The following LRPPRC variants were observed in gnomAD, a reference collection of about 807,000 sequenced individuals.
LRPPRC encodes the protein leucine rich pentatricopeptide repeat containing.
Under a neutral mutation model 180.3 loss-of-function variants are expected in LRPPRC, and 120 were observed. The observed-to-expected ratio is 0.67, with a 90% CI of 0.57 to 0.77. LRPPRC has a LOEUF of 0.77. Ranked by LOEUF, LRPPRC falls within the 30% of genes least tolerant of loss-of-function variation. LRPPRC has a pLI of 0.00. For synonymous variants in LRPPRC, 723 were observed against 600.0 expected (o/e 1.21, Z -3.00); for missense variants, 2,012 against 1,657.2 (o/e 1.21, Z -3.72).
At chr2:43,893,943 C>A (rs1670590549) in intron 36 of LRPPRC, among the ~76,000 whole-genome samples, 1 of 152,128 alleles carries the variant, frequency 6.6e-6, no homozygotes, top group Admixed American at 6.6e-5. Context: ...GAGAGGTGAT[C>A]ATGATTGAGA....
At chr2:43,916,313 G>C (rs62136831) in intron 29 of LRPPRC, among the ~76,000 whole-genome samples, 11,105 of 152,188 alleles carry the variant, frequency 0.073, 528 homozygotes, top group South Asian at 0.14. Flanking sequence ...TTCTGGAACA[G>C]TATAAGAAGT....
Position 43,889,591 on chromosome 2 carries a change from G to GTCCC in LRPPRC, c.4128+139_4128+142dup, listed in dbSNP as rs1670408070. The GTCCC allele has an allele frequency of 1.1e-5, 8 of 752,904 alleles. No homozygotes were observed. The Middle Eastern group carries it at 7.4e-4, about 70-fold the overall frequency. 46.6% of individuals were successfully genotyped at this position (752,904 alleles called of 1,614,324 possible). A position where few individuals can be genotyped will look rare whatever the true frequency, so the allele number is the denominator to read the frequency against. ...TGCCGCAGCCAAGGCATGCTGCTCA[G>GTCCC]TCCCTCAAGCCATCCCCTGAGGGCT... On this transcript the variant is annotated intron_variant, in intron 37 of 37. Coordinates refer to ENST00000260665, the MANE Select transcript of LRPPRC (RefSeq NM_133259.4).
chr2:43,888,405 TC>T lies in LRPPRC; in HGVS notation c.*194del. 1 of 518,436 alleles carries T rather than the reference TC, an allele frequency of 1.9e-6. No individual in the cohort carries two copies. Among genetic ancestry groups the T allele is most frequent in the South Asian group, 2.1e-5 (1 of 46,984 alleles). The allele number at this position is 518,436 out of a possible 1,614,324, so 32.1% of individuals were successfully genotyped here. On this transcript the variant is annotated 3_prime_UTR_variant, in exon 38 of 38. Coordinates refer to ENST00000260665, the MANE Select transcript of LRPPRC (RefSeq NM_133259.4). ...CATTGAAGAAAACACTATCGATTTTTCCCAGAGAAAAAAACTCCAAAAATGT... is the reference window on the plus strand; with the variant it reads ...CATTGAAGAAAACACTATCGATTTTTCCAGAGAAAAAAACTCCAAAAATGT...
At chr2:43,924,055 T>C (rs1671790686) in intron 27 of LRPPRC, among the ~76,000 whole-genome samples, 1 of 152,206 alleles carries the variant, frequency 6.6e-6, no homozygotes, top group African/African-American at 2.4e-5. Flanking sequence ...AACTGGAATG[T>C]AAAATTTTAA....
chr2:43,957,390 G>C lies in LRPPRC; in HGVS notation c.1644C>G (p.Phe548Leu), dbSNP rs1417042062. Residue 548 changes from phenylalanine to leucine, a missense_variant, in exon 14 of 38, where the codon TTC (phenylalanine) becomes TTG (leucine). Physicochemically the swap from Phe to Leu is conservative, Grantham distance 22. Transcript: ENST00000260665. Reference protein sequence around the residue: ...QSIRSSLLLGFRRSMNINLWS... With the variant: ...QSIRSSLLLGLRRSMNINLWS... Reference sequence around the variant, plus strand: ...ATTTAAGTTGATCATCTTACCTCCTGAAGCCTAGCAGTAGGCTACTTCTTA... The same window carrying C: ...ATTTAAGTTGATCATCTTACCTCCTCAAGCCTAGCAGTAGGCTACTTCTTA... 1 of 1,611,144 alleles carries C rather than the reference G, an allele frequency of 6.2e-7. No individual in the cohort carries two copies. The highest frequency in any genetic ancestry group is 1.3e-5 in the African/African-American group (1 of 74,970).
In LRPPRC at chr2:43,979,897, A is replaced by G. The variant is rs1674227334; in HGVS notation, c.398T>C (p.Leu133Pro). The G allele has an allele frequency of 1.2e-6, 2 of 1,613,864 alleles. No individual in the cohort carries two copies. The highest frequency in any genetic ancestry group is 3.3e-5 in the Admixed American group (2 of 60,018). Reference sequence around the variant, plus strand: ...CTCTTCAAGCTTTAGTTCAGGCAAGAGAGAACCACAACTACGTAGTAGAAG... The same window carrying G: ...CTCTTCAAGCTTTAGTTCAGGCAAGGGAGAACCACAACTACGTAGTAGAAG... ...ALLLLRSCGS[L>P]LPELKLEERT... The change falls in exon 3 of 38, where the codon CTC (leucine) becomes CCC (proline). Residue 133 changes from leucine to proline, a missense_variant. Coordinates refer to ENST00000260665, the MANE Select transcript of LRPPRC (RefSeq NM_133259.4).
At chr2:43,920,114 T>A (rs1572920321) in intron 27 of LRPPRC, among the ~76,000 whole-genome samples, 1 of 148,572 alleles carries the variant, frequency 6.7e-6, no homozygotes, top group South Asian at 2.1e-4. Flanking sequence ...TTAGAGAAAT[T>A]CCCCTGGGTC....
intron 32 of LRPPRC, among the ~76,000 whole-genome samples, chr2:43,900,929 C>T (rs1670859901): frequency 6.6e-6 from 1 of 152,108 alleles, no homozygotes; most frequent in South Asian, 2.1e-4. Context: ...CGGAAATGCA[C>T]ATTTTTAATA....
In LRPPRC at chr2:43,887,869, T is replaced by G. The variant is rs1048975539; in HGVS notation, c.*731A>C. On this transcript the variant is annotated 3_prime_UTR_variant, in exon 38 of 38. Coordinates refer to ENST00000260665, the MANE Select transcript of LRPPRC (RefSeq NM_133259.4). The stretch of plus-strand genomic sequence containing the variant: ...AACAAGCCTAGGGCAGAGCTTGTAC[T>G]GACAAAGTCCTGAAACTACAATGAG... 3.3e-5 allele frequency: 5 copies of G among 152,410 alleles called. No homozygotes were observed. Among genetic ancestry groups the G allele is most frequent in the African/African-American group, 1.2e-4 (5 of 41,470 alleles). The allele number at this position is 152,410 out of a possible 1,614,324, so 9.4% of individuals were successfully genotyped here.
chr2:43,911,168 AT>A lies in LRPPRC; in HGVS notation c.3275+1263del, dbSNP rs1671241809. Reference sequence around the variant, plus strand: ...GTTCTAGATATATATATATATATATATAAAATTTGATTAGGAATTGAGAAAA... The same window carrying A: ...GTTCTAGATATATATATATATATATAAAAATTTGATTAGGAATTGAGAAAA... On this transcript the variant is annotated intron_variant, in intron 30 of 37. Coordinates refer to ENST00000260665, the MANE Select transcript of LRPPRC (RefSeq NM_133259.4). 2.6e-5 allele frequency among the ~76,000 whole-genome samples: 4 copies of A among 151,222 alleles called. No individual in the cohort carries two copies. The South Asian group carries it at 6.2e-4, about 24-fold the overall frequency.
chr2:43,934,606 C>A (rs1672205454), intron 24 of LRPPRC, 148 bp downstream of exon 24: 2 of 647,920 alleles, frequency 3.1e-6, no homozygotes, highest in Non-Finnish European at 5.4e-6. Context: ...TGGAAATCTA[C>A]CTGATATTTT....
chr2:43,975,957 T>G (rs980439791), intron 6 of LRPPRC, among the ~76,000 whole-genome samples, 186 bp downstream of exon 6: 1 of 152,222 alleles, frequency 6.6e-6, no homozygotes, highest in Non-Finnish European at 1.5e-5. Flanking sequence ...ATAAAAATAT[T>G]AGTATGCTCT....
intron 21 of LRPPRC, among the ~76,000 whole-genome samples, chr2:43,945,745 T>A (rs1440969544): frequency 6.6e-6 from 1 of 152,084 alleles, no homozygotes; most frequent in Non-Finnish European, 1.5e-5. Flanking sequence ...TCTAACAGGA[T>A]AGGAAGCCAA....
At chr2:43,931,880 G>A (rs980582825) in intron 25 of LRPPRC, among the ~76,000 whole-genome samples, 5 of 151,978 alleles carry the variant, frequency 3.3e-5, no homozygotes, top group African/African-American at 1.2e-4. Flanking sequence ...AGTTGGACCA[G>A]TTTCCCCTTC....
At chr2:43,979,353 T>C (rs1374610631) in intron 3 of LRPPRC, among the ~76,000 whole-genome samples, 1 of 152,166 alleles carries the variant, frequency 6.6e-6, no homozygotes, top group Non-Finnish European at 1.5e-5. Context: ...AAGAGCTTCT[T>C]CATTTCTTAA....
chr2:43,905,924 TG>T, intron 30 of LRPPRC, 144 bp from the exon 31 acceptor site: 1 of 698,524 alleles, frequency 1.4e-6, no homozygotes, highest in South Asian at 1.6e-5. Context: ...AGACAGCTTT[TG>T]TGTTATCCTG....
chr2:43,972,917 T>A lies in LRPPRC; in HGVS notation c.1369+690A>T, dbSNP rs556607574. 2.0e-5 allele frequency among the ~76,000 whole-genome samples: 3 copies of A among 152,314 alleles called. No homozygotes were observed. In the South Asian group the frequency reaches 6.2e-4, roughly 32 times the overall value. On this transcript the variant is annotated intron_variant, in intron 11 of 37. Transcript: ENST00000260665. ...GGGGAAAGTACTTCTGTTAAAAGCA[T>A]CTTTTTATGAGACTACTCTTTCTGA...
chr2:43,932,947 G>T (rs1008955347), intron 25 of LRPPRC, among the ~76,000 whole-genome samples: 2 of 152,172 alleles, frequency 1.3e-5, no homozygotes, highest in Admixed American at 1.3e-4. Flanking sequence ...TTTCCGCTCT[G>T]ATCAGTGACC....
chr2:43,979,976 T>C (rs1279057576), intron 2 of LRPPRC, 28 bp from the exon 3 acceptor site: 1 of 1,608,494 alleles, frequency 6.2e-7, no homozygotes, highest in Non-Finnish European at 8.5e-7. Context: ...ATGGATAACA[T>C]TTAACATAGC....
Sources: gnomAD v4.1 joint callset for allele counts (sites outside exome capture counted in the v4.1 genomes callset) on GRCh38, gnomAD v4.1.1 for gene constraint, MANE v1.5 for transcripts, NCBI Gene and HGNC (gene_info 2026-07-23, HGNC 2026-07-21) for gene names.